FRA10AC1: variants seen among roughly 807,000 people sequenced by gnomAD.
The protein encoded by FRA10AC1 is protein FRA10AC1.
Under a neutral mutation model 56.5 loss-of-function variants are expected in FRA10AC1, and 43 were observed. That is an observed-to-expected ratio of 0.76 (90% CI 0.60 to 0.98). The LOEUF (loss-of-function observed/expected upper bound fraction) is 0.98. Ranked by LOEUF, FRA10AC1 falls within the 50% of genes least tolerant of loss-of-function variation. The pLI is 0.00. For synonymous variants in FRA10AC1, 112 were observed against 110.5 expected (o/e 1.01, Z -0.09); for missense variants, 346 against 351.8 (o/e 0.98, Z 0.13).
At position 93,698,194 on chromosome 10, in the gene FRA10AC1, A is replaced by AT; in HGVS notation, c.174-14dup. On this transcript the variant is annotated splice_polypyrimidine_tract_variant and intron_variant, in intron 3 of 13. Transcript: ENST00000359204. The stretch of plus-strand genomic sequence containing the variant: ...TCTTGCTTCTTCCCTGTTAAAACAA[A>AT]TTTTTTTAAGAAAATTCAAAATGTT... 1 of 1,570,524 alleles carries AT rather than the reference A, an allele frequency of 6.4e-7. No individual in the cohort carries two copies. Among genetic ancestry groups the AT allele is most frequent in the Non-Finnish European group, 8.7e-7 (1 of 1,149,502 alleles).
At chr10:93,693,530 C>A (rs1266067832) in intron 5 of FRA10AC1, among the ~76,000 whole-genome samples, 3 of 10,280 alleles carry the variant, frequency 2.9e-4, no homozygotes, top group Admixed American at 8.7e-4. Context: ...TATATATACA[C>A]CATATATATA....
At chr10:93,679,386 T>A (rs1362845697) in intron 11 of FRA10AC1, among the ~76,000 whole-genome samples, 1 of 152,136 alleles carries the variant, frequency 6.6e-6, no homozygotes, top group Non-Finnish European at 1.5e-5. Flanking sequence ...TCAGGAGCCA[T>A]GACAGCATTA....
intron 12 of FRA10AC1, chr10:93,674,219 G>C (rs1161215444): frequency 6.6e-6 from 1 of 152,066 alleles, no homozygotes; most frequent in Non-Finnish European, 1.5e-5. Context: ...TCTACAAAAC[G>C]AGGATATTAT....
intron 7 of FRA10AC1, 161 bp from the exon 8 acceptor site, chr10:93,687,610 A>G: frequency 1.5e-6 from 1 of 663,204 alleles, no homozygotes; most frequent in South Asian, 2.4e-5. Flanking sequence ...TACATTGAAC[A>G]ATCACCAATT....
At chr10:93,676,039 T>A (rs2058834608) in intron 12 of FRA10AC1, among the ~76,000 whole-genome samples, 1 of 152,214 alleles carries the variant, frequency 6.6e-6, no homozygotes, top group South Asian at 2.1e-4. Flanking sequence ...GTTTCACTCT[T>A]AGGTTTGGTT....
In FRA10AC1 at chr10:93,676,652, C is replaced by G. The variant is rs770503479; in HGVS notation, c.826+1G>C. 1.3e-5 allele frequency: 21 copies of G among 1,558,120 alleles called. No homozygotes were observed. Among genetic ancestry groups the G allele is most frequent in the Non-Finnish European group, 1.8e-5 (21 of 1,158,040 alleles). ...TTATTAAATAAACACTTGTTACTTA[C>G]TAAGTAGAGAATCTTCAGATTTCTT... On this transcript the variant is annotated splice_donor_variant, in intron 12 of 13. Coordinates refer to ENST00000359204, the MANE Select transcript of FRA10AC1 (RefSeq NM_145246.5). LOFTEE classifies it high-confidence loss of function.
intron 7 of FRA10AC1, 144 bp downstream of exon 7, chr10:93,691,865 G>C (rs1202467114): frequency 1.2e-6 from 1 of 819,618 alleles, no homozygotes; most frequent in Non-Finnish European, 1.8e-6. Context: ...GAGGTTAAAT[G>C]GTCCAAATGA....
intron 5 of FRA10AC1, among the ~76,000 whole-genome samples, chr10:93,693,970 G>A (rs1366856658): frequency 6.6e-6 from 1 of 151,762 alleles, no homozygotes; most frequent in Non-Finnish European, 1.5e-5. Context: ...CTACATTTTA[G>A]GTATAGCATA....
At position 93,669,871 on chromosome 10, in the gene FRA10AC1, A is replaced by AT; in HGVS notation, c.906-4dup. ...AATACTCATCAAATTCTTCTTCCCTATTTAAAAAAAAAAGCATACTTAAGA... is the reference window on the plus strand; with the variant it reads ...AATACTCATCAAATTCTTCTTCCCTATTTTAAAAAAAAAAGCATACTTAAGA... On this transcript the variant is annotated splice_region_variant and splice_polypyrimidine_tract_variant and intron_variant, in intron 13 of 13. Coordinates refer to ENST00000359204, the MANE Select transcript of FRA10AC1 (RefSeq NM_145246.5). The AT allele has an allele frequency of 6.5e-7, 1 of 1,537,704 alleles. No individual in the cohort carries two copies. The highest frequency in any genetic ancestry group is 8.9e-7 in the Non-Finnish European group (1 of 1,120,436).
intron 8 of FRA10AC1, among the ~76,000 whole-genome samples, chr10:93,686,417 AT>A (rs1275219952): frequency 6.6e-6 from 1 of 151,754 alleles, no homozygotes; most frequent in African/African-American, 2.4e-5. Flanking sequence ...CTACCCATCA[AT>A]TTTTTTAAAA....
At chr10:93,684,595 T>C (rs931460479) in intron 9 of FRA10AC1, among the ~76,000 whole-genome samples, 8 of 151,626 alleles carry the variant, frequency 5.3e-5, no homozygotes, top group African/African-American at 1.9e-4. Context: ...TGTATTGACA[T>C]GCATACGTAG....
intron 11 of FRA10AC1, among the ~76,000 whole-genome samples, chr10:93,676,896 T>G (rs1036887828): frequency 2.0e-5 from 3 of 152,174 alleles, no homozygotes; most frequent in Non-Finnish European, 4.4e-5. Flanking sequence ...ATATCTTATG[T>G]GCTCATATGG....
chr10:93,670,783 C>T lies in FRA10AC1; in HGVS notation c.892G>A (p.Asp298Asn). The stretch of plus-strand genomic sequence containing the variant: ...ATCAGCACTTACTGTGATTTTTCAT[C>T]TGTCTCTGGTAGTGGACCCTTCCAA... ...ELWKGPLPET[D>N]EKSQEEEFDE... Residue 298 changes from aspartate (D) to asparagine (N), a missense_variant, in exon 13 of 14, where the codon GAT becomes AAT. By Grantham distance (23) the Asp-to-Asn change is conservative. Transcript: ENST00000359204. 1 of 1,606,706 alleles carries T rather than the reference C, an allele frequency of 6.2e-7. No homozygotes were observed. Among genetic ancestry groups the T allele is most frequent in the South Asian group, 1.1e-5 (1 of 90,842 alleles).
At chr10:93,677,510 C>T (rs1465514782) in intron 11 of FRA10AC1, among the ~76,000 whole-genome samples, 3 of 152,052 alleles carry the variant, frequency 2.0e-5, no homozygotes, top group African/African-American at 7.2e-5. Context: ...TCCAAAGGTC[C>T]ATAGGTAAAA....
intron 10 of FRA10AC1, among the ~76,000 whole-genome samples, chr10:93,682,342 T>C (rs1312841927): frequency 6.6e-6 from 1 of 152,254 alleles, no homozygotes; most frequent in African/African-American, 2.4e-5. Context: ...GTACATCTAC[T>C]AAATGCTATA....
intron 12 of FRA10AC1, chr10:93,671,723 T>C (rs1380403235): frequency 7.7e-6 from 2 of 258,132 alleles, no homozygotes; most frequent in South Asian, 4.1e-5. Flanking sequence ...ATGCATAGTA[T>C]AATAGATATG....
At chr10:93,693,542 A>C in intron 5 of FRA10AC1, among the ~76,000 whole-genome samples, 1 of 127,858 alleles carries the variant, frequency 7.8e-6, no homozygotes, top group African/African-American at 3.0e-5. Flanking sequence ...ATATATATAT[A>C]TATATACACA....
At position 93,697,812 on chromosome 10, in the gene FRA10AC1, A is replaced by T. The variant is rs192451995; in HGVS notation, c.219+324T>A. ...CCAGGTAGGAAGAGAATAAATTAAA[A>T]TGAGACTAAAGATAAGTATAGGAAA... On this transcript the variant is annotated intron_variant, in intron 4 of 13. Transcript: ENST00000359204. Among the ~76,000 whole-genome samples the T allele has an allele frequency of 2.3e-3, 355 of 152,366 alleles. 2 individuals are homozygous for T. The highest frequency in any genetic ancestry group is 7.8e-3 in the African/African-American group (324 of 41,588).
chr10:93,695,212 GCTT>G (rs1166070224), intron 4 of FRA10AC1, among the ~76,000 whole-genome samples: 2 of 151,980 alleles, frequency 1.3e-5, no homozygotes, highest in African/African-American at 2.4e-5. Flanking sequence ...GAGAAATAGA[GCTT>G]CTTATTCTAT....
Sources: allele counts gnomAD v4.1 joint callset (sites outside exome capture counted in the v4.1 genomes callset), GRCh38; gene constraint gnomAD v4.1.1; transcripts MANE v1.5; gene names NCBI Gene and HGNC (gene_info 2026-07-23, HGNC 2026-07-21).